PABPC4L: variants seen among roughly 807,000 people sequenced by gnomAD.
PABPC4L encodes the protein polyadenylate-binding protein 4-like.
For missense variants in PABPC4L, 452 were observed against 451.4 expected (o/e 1.00, Z -0.01); for synonymous variants, 169 against 164.1 (o/e 1.03, Z -0.23).
At chr4:133,992,621 G>A in the PABPC4L span, among the ~76,000 whole-genome samples, 27,504 of 152,010 alleles carry the variant, frequency 0.18, 3,121 homozygotes, top group Middle Eastern at 0.26. Context: ...GGGGGTGTCC[G>A]CCCAGGTAAC....
the PABPC4L span, among the ~76,000 whole-genome samples, chr4:134,120,544 G>A: frequency 1.3e-5 from 2 of 150,630 alleles, no homozygotes; most frequent in Non-Finnish European, 3.0e-5. Flanking sequence ...AAGGGCCGCT[G>A]GAGAAAATTT....
At position 134,200,032 on chromosome 4, in the gene PABPC4L, G is replaced by A; in HGVS notation, c.988C>T (p.Gln330Ter). 1 of 1,551,648 alleles carries A rather than the reference G, an allele frequency of 6.4e-7. No individual in the cohort carries two copies. Among genetic ancestry groups the A allele is most frequent in the Non-Finnish European group, 8.7e-7 (1 of 1,146,976 alleles). ...CAGATCAAGCCAAACCCTTTGCTCTGCCCCTCTTCCTGCATTACCTTAACT... is the reference window on the plus strand; with the variant it reads ...CAGATCAAGCCAAACCCTTTGCTCTACCCCTCTTCCTGCATTACCTTAACT... ...SRVKVMQEEGQSKGFGLICFS... is the reference protein window; with the variant it reads ...SRVKVMQEEG The change falls in exon 2 of 2, where the codon CAG (glutamine) becomes TAG (stop). Residue 330 changes from glutamine (Q) to a stop codon, truncating the protein, a stop_gained. Transcript: ENST00000421491. LOFTEE classifies it low-confidence loss of function (END_TRUNC).
chr4:134,053,878 T>C, the PABPC4L span, among the ~76,000 whole-genome samples: 1 of 151,998 alleles, frequency 6.6e-6, no homozygotes, highest in Non-Finnish European at 1.5e-5. Flanking sequence ...AGTCTAAGCA[T>C]CTATATAAGA....
the PABPC4L span, among the ~76,000 whole-genome samples, chr4:134,042,158 T>G: frequency 6.6e-6 from 1 of 152,318 alleles, no homozygotes; most frequent in South Asian, 2.1e-4. Flanking sequence ...TGTAGTTTTT[T>G]GATCTAAGTG....
At chr4:134,201,440 G>C (rs1250042833) in intron 1 of PABPC4L, among the ~76,000 whole-genome samples, 195 bp from the exon 2 acceptor site, 1 of 152,142 alleles carries the variant, frequency 6.6e-6, no homozygotes. Context: ...CTCCACAAGC[G>C]GAGGCGTCAG....
chr4:134,108,742 C>T, the PABPC4L span, among the ~76,000 whole-genome samples: 1 of 151,888 alleles, frequency 6.6e-6, no homozygotes, highest in Non-Finnish European at 1.5e-5. Flanking sequence ...AATATATAAC[C>T]TAGACCCTGA....
At chr4:134,078,449 A>G in the PABPC4L span, among the ~76,000 whole-genome samples, 2 of 152,190 alleles carry the variant, frequency 1.3e-5, no homozygotes, top group African/African-American at 4.8e-5. Context: ...TGTGCTTGCC[A>G]TATTGCTTAG....
the PABPC4L span, among the ~76,000 whole-genome samples, chr4:133,998,036 G>A: frequency 1.3e-5 from 2 of 151,762 alleles, no homozygotes; most frequent in East Asian, 1.9e-4. Flanking sequence ...AAATGTACAA[G>A]TATACATTTG....
the PABPC4L span, among the ~76,000 whole-genome samples, chr4:133,980,661 G>T: frequency 5.3e-5 from 8 of 152,222 alleles, no homozygotes; most frequent in South Asian, 1.7e-3. Context: ...TCATGAAAAT[G>T]AGATATTTCT....
chr4:134,108,738 T>C, the PABPC4L span, among the ~76,000 whole-genome samples: 2 of 151,860 alleles, frequency 1.3e-5, no homozygotes, highest in African/African-American at 2.4e-5. Context: ...GCAAAATATA[T>C]AACCTAGACC....
the PABPC4L span, among the ~76,000 whole-genome samples, chr4:134,001,802 A>G: frequency 1.5e-4 from 23 of 152,132 alleles, no homozygotes; most frequent in Non-Finnish European, 2.9e-4. Flanking sequence ...CAAAACAATT[A>G]TAAATCATAT....
the PABPC4L span, among the ~76,000 whole-genome samples, chr4:134,089,060 C>A: frequency 1.3e-5 from 2 of 151,970 alleles, no homozygotes; most frequent in African/African-American, 2.4e-5. Context: ...CTAAAGTCAG[C>A]AGGTTTATAT....
At chr4:134,195,350 C>T (rs74469476), downstream of PABPC4L, among the ~76,000 whole-genome samples, 573 of 151,756 alleles carry the variant, frequency 3.8e-3, 2 homozygotes, top group African/African-American at 0.013. Context: ...CCCTACAATA[C>T]CATTAGACAT....
chr4:134,152,083 C>T, the PABPC4L span, among the ~76,000 whole-genome samples: 1 of 151,584 alleles, frequency 6.6e-6, no homozygotes, highest in African/African-American at 2.4e-5. Context: ...TATACAAGTG[C>T]CTTATATAAT....
the PABPC4L span, among the ~76,000 whole-genome samples, chr4:134,109,837 G>A: frequency 6.6e-6 from 1 of 151,690 alleles, no homozygotes; most frequent in Non-Finnish European, 1.5e-5. Context: ...TGCCTTCCAG[G>A]TTCAAGCAAT....
chr4:134,004,924 A>G, the PABPC4L span, among the ~76,000 whole-genome samples: 1 of 151,846 alleles, frequency 6.6e-6, no homozygotes, highest in East Asian at 1.9e-4. Flanking sequence ...ATAGAACCAG[A>G]AAGTACATTG....
the PABPC4L span, among the ~76,000 whole-genome samples, chr4:134,057,197 C>T: frequency 6.6e-6 from 1 of 152,004 alleles, no homozygotes. Context: ...ACTCCAGTGA[C>T]ACTAATGTTA....
At chr4:133,992,855 G>A in the PABPC4L span, among the ~76,000 whole-genome samples, 1 of 152,114 alleles carries the variant, frequency 6.6e-6, no homozygotes, top group Admixed American at 6.5e-5. Context: ...GCATCCCCCA[G>A]GTGATGTTCG....
chr4:134,116,985 CTA>C, the PABPC4L span, among the ~76,000 whole-genome samples: 2 of 151,550 alleles, frequency 1.3e-5, no homozygotes, highest in African/African-American at 4.8e-5. Flanking sequence ...GGTTATATTT[CTA>C]TGTTACTCTA....
Sources: gnomAD v4.1 joint callset for allele counts (sites outside exome capture counted in the v4.1 genomes callset) on GRCh38, gnomAD v4.1.1 for gene constraint, MANE v1.5 for transcripts, NCBI Gene and HGNC (gene_info 2026-07-23, HGNC 2026-07-21) for gene names.